The following PMFBP1 variants were observed in gnomAD, a reference collection of about 807,000 sequenced individuals.
PMFBP1 encodes polyamine-modulated factor 1-binding protein 1.
PMFBP1 carries 131 observed loss-of-function variants against 137.8 expected under a neutral mutation model. The ratio of observed to expected loss-of-function variants is 0.95; its 90% confidence interval spans 0.82 to 1.10. PMFBP1 has a LOEUF of 1.10. PMFBP1 is among the 50% of genes least tolerant of loss of function. The pLI, the probability that PMFBP1 is intolerant of heterozygous loss-of-function variation, is 0.00. For missense variants in PMFBP1, 1,199 were observed against 1,175.4 expected (o/e 1.02, Z -0.29); for synonymous variants, 490 against 450.4 (o/e 1.09, Z -1.11).
At chr16:72,123,046 G>A in intron 18 of PMFBP1, 58 bp from the exon 19 acceptor site, 1 of 1,497,312 alleles carries the variant, frequency 6.7e-7, no homozygotes, top group Non-Finnish European at 9.2e-7. Context: ...GCGAGCAAGG[G>A]TGCAGCTGGC....
chr16:72,232,473 G>A, the PMFBP1 span, among the ~76,000 whole-genome samples: 1 of 152,102 alleles, frequency 6.6e-6, no homozygotes, highest in South Asian at 2.1e-4. Context: ...GTAAAGCAGG[G>A]ATAGTCAAAA....
the PMFBP1 span, among the ~76,000 whole-genome samples, chr16:72,220,417 A>G: frequency 6.6e-6 from 1 of 152,236 alleles, no homozygotes; most frequent in Non-Finnish European, 1.5e-5. Flanking sequence ...GATATTCAGT[A>G]TATCGCAAAT....
At chr16:72,164,648 T>A in intron 3 of PMFBP1, 116 bp downstream of exon 3, 1 of 1,361,458 alleles carries the variant, frequency 7.3e-7, no homozygotes, top group Non-Finnish European at 1.0e-6. Flanking sequence ...CTCTCATTGC[T>A]TGCTTAATAA....
At chr16:72,150,885 G>A in intron 4 of PMFBP1, 56 bp from the exon 5 acceptor site, 1 of 1,465,238 alleles carries the variant, frequency 6.8e-7, no homozygotes, top group Non-Finnish European at 9.5e-7. Context: ...AATGAGGAAA[G>A]GATGCGGTTG....
the PMFBP1 span, among the ~76,000 whole-genome samples, chr16:72,205,551 G>A: frequency 6.6e-6 from 1 of 152,196 alleles, no homozygotes; most frequent in Non-Finnish European, 1.5e-5. Flanking sequence ...TGGCCACTTT[G>A]CTAGCTCTCC....
chr16:72,229,251 A>G, the PMFBP1 span, among the ~76,000 whole-genome samples: 1 of 152,086 alleles, frequency 6.6e-6, no homozygotes, highest in Non-Finnish European at 1.5e-5. Context: ...AATCCAGTCC[A>G]CTGTTGATGG....
Position 72,119,824 on chromosome 16 carries a change from T to A in PMFBP1, c.3007+27A>T, listed in dbSNP as rs1203793964. On this transcript the variant is annotated intron_variant, in intron 20 of 20. Coordinates refer to ENST00000237353, the MANE Select transcript of PMFBP1 (RefSeq NM_031293.3). ...GTGATTTAAAGAAAAAAATCACACT[T>A]ATTTTTTTGACAAATGGCAGACGTA... The A allele has an allele frequency of 4.4e-6, 7 of 1,606,018 alleles. No homozygotes were observed. The East Asian group carries it at 1.1e-4, about 26-fold the overall frequency.
At chr16:72,246,509 T>C in the PMFBP1 span, among the ~76,000 whole-genome samples, 4 of 152,104 alleles carry the variant, frequency 2.6e-5, 1 homozygote. Flanking sequence ...CGTGCCTTAA[T>C]GTCCTCACAC....
the PMFBP1 span, among the ~76,000 whole-genome samples, chr16:72,212,558 C>T: frequency 1.3e-5 from 2 of 151,878 alleles, no homozygotes; most frequent in Non-Finnish European, 2.9e-5. Context: ...TACTCTCTGG[C>T]CCTTTACCAA....
Position 72,139,341 on chromosome 16 carries a change from G to A in PMFBP1, c.866C>T (p.Ala289Val), listed in dbSNP as rs1360947230. 6.2e-7 allele frequency: 1 copy of A among 1,614,108 alleles called. No homozygotes were observed. The highest frequency in any genetic ancestry group is 8.5e-7 in the Non-Finnish European group (1 of 1,180,014). ...KLQADFASCT[A>V]THRYPPSSSE... ...GGAGCTAGGAGGGTATCTGTGGGTG[G>A]CTGTACAGGAAGCAAAATCGGCTTG... Residue 289 changes from alanine to valine, a missense_variant, in exon 7 of 21, where the codon GCC becomes GTC. Ala to Val is a moderately conservative substitution (Grantham distance 64). Transcript: ENST00000237353.
Position 72,129,171 on chromosome 16 carries a change from A to G in PMFBP1, c.1845T>C (p.Leu615=), listed in dbSNP as rs775354572. 9 of 1,614,010 alleles carry G rather than the reference A, an allele frequency of 5.6e-6. No homozygotes were observed. The highest frequency in any genetic ancestry group is 7.6e-6 in the Non-Finnish European group (9 of 1,180,038). The change falls in exon 13 of 21, where the codon CTT becomes CTC. Residue 615 remains leucine (L), a synonymous_variant. Coordinates refer to ENST00000237353, the MANE Select transcript of PMFBP1 (RefSeq NM_031293.3). ...TCAACTGCTCCCGTTTGTCCTCCAG[A>G]AGCTTTGTGGCCTCCTGAAGATCTT... ...LEEDLQEATK[L]LEDKREQLKK...
intron 3 of PMFBP1, among the ~76,000 whole-genome samples, chr16:72,160,083 T>C (rs1024149765): frequency 3.3e-5 from 5 of 152,230 alleles, no homozygotes; most frequent in African/African-American, 1.2e-4. Context: ...ACACATTTCA[T>C]CCCTACTTGT....
At chr16:72,246,686 G>A in the PMFBP1 span, among the ~76,000 whole-genome samples, 1 of 151,878 alleles carries the variant, frequency 6.6e-6, no homozygotes, top group Admixed American at 6.6e-5. Context: ...TGGTTAGAAC[G>A]CTCGCTGTAT....
At chr16:72,165,418 CTT>C (rs111960622) in intron 2 of PMFBP1, among the ~76,000 whole-genome samples, 11 of 143,794 alleles carry the variant, frequency 7.6e-5, no homozygotes, top group Admixed American at 1.4e-4. Flanking sequence ...TTCTTTCTTT[CTT>C]TTTTTTTTTT....
chr16:72,135,625 T>C (rs1245451190), intron 9 of PMFBP1, among the ~76,000 whole-genome samples: 1 of 150,258 alleles, frequency 6.7e-6, no homozygotes, highest in Non-Finnish European at 1.5e-5. Flanking sequence ...GTTCCATTTC[T>C]AGGCTTTTCC....
At chr16:72,239,171 C>G in the PMFBP1 span, among the ~76,000 whole-genome samples, 1 of 152,168 alleles carries the variant, frequency 6.6e-6, no homozygotes, top group African/African-American at 2.4e-5. Flanking sequence ...TGATGGCTCT[C>G]TAAGCAAAAA....
the PMFBP1 span, among the ~76,000 whole-genome samples, chr16:72,216,945 C>A: frequency 6.6e-6 from 1 of 152,198 alleles, no homozygotes; most frequent in Non-Finnish European, 1.5e-5. Flanking sequence ...GGGTGCCACG[C>A]CAAGAAGAGT....
Position 72,151,565 on chromosome 16 carries a change from A to G in PMFBP1, c.415-736T>C, listed in dbSNP as rs1370820920. 2.0e-5 allele frequency among the ~76,000 whole-genome samples: 3 copies of G among 152,210 alleles called. No homozygotes were observed. In the East Asian group the frequency reaches 5.8e-4, roughly 29 times the overall value. On this transcript the variant is annotated intron_variant, in intron 4 of 20. Coordinates refer to ENST00000237353, the MANE Select transcript of PMFBP1 (RefSeq NM_031293.3). ...GTGTTGAAGGAGTTAACAGCAGAAG[A>G]GTCATGAAGGATGGCTTTATATTAG...
chr16:72,186,248 C>G, the PMFBP1 span, among the ~76,000 whole-genome samples: 1 of 152,186 alleles, frequency 6.6e-6, no homozygotes, highest in Admixed American at 6.5e-5. Flanking sequence ...TTTTCAAGTT[C>G]TGGAAGAAGC....
Sources: allele counts gnomAD v4.1 joint callset (sites outside exome capture counted in the v4.1 genomes callset), GRCh38; gene constraint gnomAD v4.1.1; transcripts MANE v1.5; gene names NCBI Gene and HGNC (gene_info 2026-07-23, HGNC 2026-07-21).